The following MUC6 variants were observed in gnomAD, a reference collection of about 807,000 sequenced individuals.
MUC6 encodes mucin 6, oligomeric mucus/gel-forming (gene/pseudogene), also known as mucin-6.
A neutral mutation model predicts 201.5 loss-of-function variants in MUC6; 188 were observed. The observed-to-expected ratio is 0.93, with a 90% confidence interval of 0.83 to 1.05. The LOEUF (loss-of-function observed/expected upper bound fraction) is 1.05, where lower values mean the gene tolerates loss of function less well. Ranked by LOEUF, MUC6 falls within the 50% of genes least tolerant of loss-of-function variation. The probability of loss-of-function intolerance (pLI) is 0.00; values close to 1 mark genes in which losing one functional copy is unlikely to be tolerated. For synonymous variants in MUC6, 1,228 were observed against 1,389.4 expected (o/e 0.88, Z 2.58); for missense variants, 2,706 against 3,256.9 (o/e 0.83, Z 4.12).
At position 1,018,757 on chromosome 11, in the gene MUC6, A is replaced by C. The variant is rs752598668; in HGVS notation, c.4044T>G (p.Asn1348Lys). The C allele has an allele frequency of 6.4e-7, 1 of 1,562,584 alleles. No individual in the cohort carries two copies. Among genetic ancestry groups the C allele is most frequent in the Non-Finnish European group, 8.6e-7 (1 of 1,158,796 alleles). The change falls in exon 31 of 33, where the codon AAT becomes AAG. Residue 1348 changes from asparagine to lysine, a missense_variant. Transcript: ENST00000421673. The stretch of plus-strand genomic sequence containing the variant: ...TGGCCGTTGTTCCTGGCAGTTCCTG[A>C]TTGGTCGATTTTGCTGTGGGAATTG... Reference protein sequence around the residue: ...GTSPTLPKSTNQELPGTTATQ... With the variant: ...GTSPTLPKSTKQELPGTTATQ...
rs761383726 is a variant in MUC6 at position 1,021,326 on chromosome 11, C to A, written c.3527-49G>T. ...CTGTGTGACTGGTGGCCAGCCAGGC[C>A]CACCTGCGTGTTTCCTGCCCTGGCG... is the stretch of plus-strand genomic sequence containing the variant. On this transcript the variant is annotated intron_variant, in intron 26 of 32. Transcript: ENST00000421673. The A allele has an allele frequency of 6.6e-6, 9 of 1,362,434 alleles. 1 individual carries two copies. In the South Asian group the frequency reaches 1.3e-4, roughly 19 times the overall value. 84.4% of individuals were successfully genotyped at this position (1,362,434 alleles called of 1,614,324 possible).
chr11:1,035,401 G>A (rs1047270906), intron 1 of MUC6, among the ~76,000 whole-genome samples: 1 of 152,212 alleles, frequency 6.6e-6, no homozygotes, highest in African/African-American at 2.4e-5. Context: ...GCTGTGCCAG[G>A]TGTGCAGGTA....
At position 1,025,326 on chromosome 11, in the gene MUC6, G is replaced by A. The variant is rs138840335; in HGVS notation, c.2841C>T (p.Thr947=). The A allele has an allele frequency of 3.8e-5, 61 of 1,612,158 alleles. No homozygotes were observed. The East Asian group carries it at 6.2e-4, about 16-fold the overall frequency. ...CGAGCTGCACGTGGGGCTCCTCCCC[G>A]GTGACCGTGTAGTTTCTGTCCGCCA... ...VVLADRNYTV[T]GEEPHVQLGV... is the part of the protein sequence containing the mutation. Residue 947 remains threonine (T), a synonymous_variant, in exon 23 of 33, where the codon ACC becomes ACT. Transcript: ENST00000421673.
At chr11:1,034,084 G>A (rs972569724) in intron 1 of MUC6, among the ~76,000 whole-genome samples, 1 of 152,162 alleles carries the variant, frequency 6.6e-6, no homozygotes, top group Admixed American at 6.5e-5. Flanking sequence ...CTCCGGTGAC[G>A]CAGGGGCAGG....
At position 1,029,144 on chromosome 11, in the gene MUC6, G is replaced by A. The variant is rs765627197; in HGVS notation, c.1282C>T (p.Gln428Ter). 13 of 1,611,356 alleles carry A rather than the reference G, an allele frequency of 8.1e-6. No homozygotes were observed. The highest frequency in any genetic ancestry group is 1.1e-5 in the Non-Finnish European group (13 of 1,179,246). Reference sequence around the variant, plus strand: ...ATGAGGGCACCGTCCTCGGGAAGCTGGGGGCTCTGCGAGGGGGCGGGGCTC... The same window carrying A: ...ATGAGGGCACCGTCCTCGGGAAGCTAGGGGCTCTGCGAGGGGGCGGGGCTC... ...TCTYILLQSP[Q>*]LPEDGALMAV... The change falls in exon 11 of 33, where the codon CAG (glutamine) becomes TAG (stop). Residue 428 changes from glutamine to a stop codon, truncating the protein, a stop_gained. Coordinates refer to ENST00000421673, the MANE Select transcript of MUC6 (RefSeq NM_005961.3). LOFTEE classifies it high-confidence loss of function.
intron 32 of MUC6, 29 bp from the exon 33 acceptor site, chr11:1,013,662 C>G: frequency 6.5e-7 from 1 of 1,546,562 alleles, no homozygotes; most frequent in East Asian, 2.4e-5. Flanking sequence ...AGAGCAGGGT[C>G]ATGACTGCTG....
chr11:1,036,054 G>T (rs530940682), intron 1 of MUC6, among the ~76,000 whole-genome samples: 1 of 152,040 alleles, frequency 6.6e-6, no homozygotes, highest in Non-Finnish European at 1.5e-5. Context: ...CGGGGGAGAG[G>T]GCAGGCTGCC....
chr11:1,028,841 G>C (rs369537750), intron 12 of MUC6, 48 bp downstream of exon 12: 1 of 1,609,428 alleles, frequency 6.2e-7, no homozygotes, highest in Middle Eastern at 1.7e-4. Context: ...ACTGCAGCCC[G>C]CCCCGAAGGC....
At position 1,023,534 on chromosome 11, in the gene MUC6, C is replaced by T; in HGVS notation, c.3501G>A (p.Gln1167=). 6.3e-7 allele frequency: 1 copy of T among 1,599,282 alleles called. No individual in the cohort carries two copies. The highest frequency in any genetic ancestry group is 8.5e-7 in the Non-Finnish European group (1 of 1,173,162). ...CTTCGATGTTGCTGCCTGGGACGCT[C>T]TGTGGCTGGCTGGGGCAGAGGCAGG... The part of the protein sequence containing the change: ...YQPCLCPSQP[Q]SVPGSNIEGC... The change falls in exon 26 of 33, where the codon CAG becomes CAA. Residue 1167 remains glutamine, a synonymous_variant. Transcript: ENST00000421673.
In MUC6 at chr11:1,016,370, T is replaced by C. The variant is rs765157481; in HGVS notation, c.6431A>G (p.Tyr2144Cys). The change falls in exon 31 of 33, where the codon TAT (tyrosine) becomes TGT (cysteine). Residue 2144 changes from tyrosine to cysteine, a missense_variant. Transcript: ENST00000421673. Reference protein sequence around the residue: ...SPSAPSTVSSYVPSSHSSPQT... With the variant: ...SPSAPSTVSSCVPSSHSSPQT... ...GGGAGAGGAGTGGGAGGAGGGCACATAAGAAGAAACAGTAGAGGGGGCAGA... is the reference window on the plus strand; with the variant it reads ...GGGAGAGGAGTGGGAGGAGGGCACACAAGAAGAAACAGTAGAGGGGGCAGA... The C allele has an allele frequency of 1.3e-5, 21 of 1,611,650 alleles. No homozygotes were observed. In the South Asian group the frequency reaches 2.2e-4, roughly 17 times the overall value.
At chr11:1,034,058 C>A (rs561571630) in intron 1 of MUC6, among the ~76,000 whole-genome samples, 1 of 152,196 alleles carries the variant, frequency 6.6e-6, no homozygotes, top group Non-Finnish European at 1.5e-5. Flanking sequence ...CCCCCATTAC[C>A]GCTGGACACC....
Position 1,027,016 on chromosome 11 carries a change from G to A in MUC6, c.2319C>T (p.Cys773=). Residue 773 remains cysteine (C), a synonymous_variant, in exon 19 of 33, where the codon TGC becomes TGT. Transcript: ENST00000421673. ...SCQAPKTFKS[C]SQSSENKFGA... Reference sequence around the variant, plus strand: ...CAAACTTGTTCTCGGAGGACTGGCTGCAGGACTTGAAGGTCTTAGGGGCCT... The same window carrying A: ...CAAACTTGTTCTCGGAGGACTGGCTACAGGACTTGAAGGTCTTAGGGGCCT... 6.2e-7 allele frequency: 1 copy of A among 1,602,706 alleles called. No homozygotes were observed. The highest frequency in any genetic ancestry group is 8.5e-7 in the Non-Finnish European group (1 of 1,175,462).
Position 1,026,970 on chromosome 11 carries a change from A to T in MUC6, c.2365T>A (p.Cys789Ser), listed in dbSNP as rs2133829849. 6.3e-7 allele frequency: 1 copy of T among 1,597,442 alleles called. No individual in the cohort carries two copies. The highest frequency in any genetic ancestry group is 8.5e-7 in the Non-Finnish European group (1 of 1,172,842). ...GCAACACCGGTGGCCAGCATCTGGC[A>T]TGTGGGGGCACAGGCTGCCCCAAAC... ...NKFGAACAPT[C>S]QMLATGVACV... Residue 789 changes from cysteine to serine, a missense_variant, in exon 19 of 33, where the codon TGC becomes AGC. Around this residue, in one of 10 missense-constraint regions of MUC6, gnomAD observed 1,850 missense variants for 1,958.3 expected, o/e 0.94. Transcript: ENST00000421673.
Position 1,030,354 on chromosome 11 carries a change from C to A in MUC6, c.893-19G>T. The A allele has an allele frequency of 6.5e-7, 1 of 1,545,286 alleles. No individual in the cohort carries two copies. ...CCCACGGCTGTGGGCACACGCGGCT[C>A]CGGTGAGAGGGTCCCACCCCCCCCA... is the stretch of plus-strand genomic sequence containing the variant. On this transcript the variant is annotated intron_variant, in intron 7 of 32. Coordinates refer to ENST00000421673, the MANE Select transcript of MUC6 (RefSeq NM_005961.3).
Position 1,027,819 on chromosome 11 carries a change from T to C in MUC6, c.1849-2A>G. 6.2e-7 allele frequency: 1 copy of C among 1,609,150 alleles called. No homozygotes were observed. ...GTTGCAGGCCTGGTACACGCACCTC[T>C]GCGGGCAGAGAGCCAGCATGGGCTG... is the stretch of plus-strand genomic sequence containing the variant. On this transcript the variant is annotated splice_acceptor_variant, in intron 15 of 32. Coordinates refer to ENST00000421673, the MANE Select transcript of MUC6 (RefSeq NM_005961.3). LOFTEE classifies it high-confidence loss of function.
intron 1 of MUC6, among the ~76,000 whole-genome samples, chr11:1,034,559 C>G (rs1206004315): frequency 6.6e-6 from 1 of 151,974 alleles, no homozygotes; most frequent in African/African-American, 2.4e-5. Context: ...GGGGCCCTCG[C>G]TGGCCTCTGG....
Position 1,036,718 on chromosome 11 carries a change from T to A in MUC6, c.-63A>T, listed in dbSNP as rs1857227645. The A allele has an allele frequency of 2.0e-6, 3 of 1,510,914 alleles. No individual in the cohort carries two copies. The highest frequency in any genetic ancestry group is 2.7e-6 in the Non-Finnish European group (3 of 1,122,638). 93.6% of individuals were successfully genotyped at this position (1,510,914 alleles called of 1,614,324 possible). ...GGCCTGCTGCTGCCATCCATGCGGC[T>A]CCAACGGCCGGTCCTGGGTGCCTTA... On this transcript the variant is annotated 5_prime_UTR_variant, in exon 1 of 33. Coordinates refer to ENST00000421673, the MANE Select transcript of MUC6 (RefSeq NM_005961.3).
At chr11:1,019,770 C>T in intron 29 of MUC6, 1 of 617,452 alleles carries the variant, frequency 1.6e-6, no homozygotes. Flanking sequence ...CTGTCCCCTC[C>T]AGGGTCCCTG....
Position 1,031,896 on chromosome 11 carries a change from G to C in MUC6, c.273C>G (p.Asp91Glu), listed in dbSNP as rs962994758. 1 of 1,613,050 alleles carries C rather than the reference G, an allele frequency of 6.2e-7. No homozygotes were observed. Among genetic ancestry groups the C allele is most frequent in the Non-Finnish European group, 8.5e-7 (1 of 1,179,904 alleles). ...CCACGATGATCCGCGAGATGCTCCC[G>C]TCTGGGCCTCGCCGCAGCTGGACAC... The part of the protein sequence containing the change: ...TFSVQLRRGP[D>E]GSISRIIVEL... The change falls in exon 3 of 33, where the codon GAC becomes GAG. Residue 91 changes from aspartate (D) to glutamate (E), a missense_variant. Physicochemically the swap from Asp to Glu is conservative, Grantham distance 45 (BLOSUM62 2). Coordinates refer to ENST00000421673, the MANE Select transcript of MUC6 (RefSeq NM_005961.3).
Sources: allele counts gnomAD v4.1 joint callset (sites outside exome capture counted in the v4.1 genomes callset), GRCh38; gene constraint gnomAD v4.1.1; regional missense constraint gnomAD v4.1.1; transcripts MANE v1.5; gene names NCBI Gene and HGNC (gene_info 2026-07-23, HGNC 2026-07-21).